The following DDX31 variants were observed in gnomAD, a reference collection of about 807,000 sequenced individuals.
DDX31 encodes ATP-dependent DNA helicase DDX31.
In DDX31, 70 loss-of-function variants were observed where a neutral mutation model predicts 91.3. The ratio of observed to expected loss-of-function variants is 0.77; its 90% confidence interval spans 0.63 to 0.94. The LOEUF is 0.94. Ranked by LOEUF, DDX31 falls within the 40% of genes least tolerant of loss-of-function variation. The pLI is 0.00. For synonymous variants in DDX31, 362 were observed against 350.6 expected, an observed-to-expected ratio of 1.03 and a Z score of -0.36; for missense variants, 902 against 925.0, an observed-to-expected ratio of 0.98 and a Z score of 0.32.
intron 14 of DDX31, among the ~76,000 whole-genome samples, chr9:132,639,611 G>A (rs1275693414): frequency 6.6e-6 from 1 of 152,210 alleles, no homozygotes; most frequent in South Asian, 2.1e-4. Context: ...GTATGCTTTT[G>A]ACCTGAGAAT....
chr9:132,652,218 G>A (rs528542049), intron 7 of DDX31, among the ~76,000 whole-genome samples: 1 of 152,202 alleles, frequency 6.6e-6, no homozygotes, highest in African/African-American at 2.4e-5. Context: ...ACATTTAATA[G>A]TATCATTAGT....
At chr9:132,621,883 C>A (rs1832052418) in intron 17 of DDX31, among the ~76,000 whole-genome samples, 1 of 151,834 alleles carries the variant, frequency 6.6e-6, no homozygotes, top group South Asian at 2.1e-4. Context: ...TTAAACTTGG[C>A]TCAGCAAGCC....
At chr9:132,656,642 A>C (rs997383386) in intron 6 of DDX31, among the ~76,000 whole-genome samples, 1 of 152,172 alleles carries the variant, frequency 6.6e-6, no homozygotes, top group Admixed American at 6.5e-5. Context: ...CCCAGGATTG[A>C]GCACAGCTGC....
rs559861247 is a variant in DDX31 at position 132,644,713 on chromosome 9, C to T, written c.1380+1182G>A. On this transcript the variant is annotated intron_variant, in intron 13 of 19. Coordinates refer to ENST00000372159, the MANE Select transcript of DDX31 (RefSeq NM_022779.9). ...CGCCGCAGAATGCCTCTGGTAAAAA[C>T]GGATTCACAGGATTAGTAAACAAAG... Among the ~76,000 whole-genome samples, 3 of 152,302 alleles carry T rather than the reference C, an allele frequency of 2.0e-5. No homozygotes were observed. In the South Asian group the frequency reaches 6.2e-4, roughly 32 times the overall value.
intron 17 of DDX31, 57 bp downstream of exon 17, chr9:132,625,607 C>T (rs1832344430): frequency 7.2e-7 from 1 of 1,383,114 alleles, no homozygotes; most frequent in Admixed American, 1.7e-5. Flanking sequence ...TCTCTACTAC[C>T]CCAAATCAAG....
intron 14 of DDX31, among the ~76,000 whole-genome samples, chr9:132,635,816 T>C (rs1429748029): frequency 6.6e-6 from 1 of 151,686 alleles, no homozygotes; most frequent in African/African-American, 2.4e-5. Flanking sequence ...TGGTGGTGCA[T>C]GCCTGTAGTC....
chr9:132,613,466 G>T (rs1831462444), intron 18 of DDX31, among the ~76,000 whole-genome samples: 1 of 152,180 alleles, frequency 6.6e-6, no homozygotes, highest in South Asian at 2.1e-4. Flanking sequence ...GGCCAAGTCG[G>T]GGGGATCACC....
chr9:132,646,965 G>A lies in DDX31; in HGVS notation c.1061C>T (p.Ala354Val), dbSNP rs370929391. 17 of 1,614,072 alleles carry A rather than the reference G, an allele frequency of 1.1e-5. No individual in the cohort carries two copies. Among genetic ancestry groups the A allele is most frequent in the East Asian group, 4.5e-5 (2 of 44,892 alleles). Reference protein sequence around the residue: ...SHDQLNPKDKAVQEVCPPPAG... With the variant: ...SHDQLNPKDKVVQEVCPPPAG... ...TGGTGGAGGACAGACCTCCTGGACCGCTTTGTCCTTTGGGTTCAACTGGTC... is the reference window on the plus strand; with the variant it reads ...TGGTGGAGGACAGACCTCCTGGACCACTTTGTCCTTTGGGTTCAACTGGTC... The change falls in exon 12 of 20, where the codon GCG becomes GTG. Residue 354 changes from alanine (A) to valine (V), a missense_variant. Coordinates refer to ENST00000372159, the MANE Select transcript of DDX31 (RefSeq NM_022779.9).
chr9:132,600,590 A>G (rs750653762), intron 19 of DDX31, among the ~76,000 whole-genome samples: 4 of 152,158 alleles, frequency 2.6e-5, no homozygotes, highest in Admixed American at 6.5e-5. Flanking sequence ...GGCCATGCAC[A>G]TGATGGGAAA....
At chr9:132,651,314 G>C (rs11243862) in intron 7 of DDX31, among the ~76,000 whole-genome samples, 198 bp from the exon 8 acceptor site, 60,491 of 151,958 alleles carry the variant, frequency 0.4, 12,526 homozygotes, top group Admixed American at 0.5. Context: ...AGAGGGTAAA[G>C]ACAACACTTC....
chr9:132,611,011 T>C (rs1831303131), intron 19 of DDX31, among the ~76,000 whole-genome samples: 1 of 152,192 alleles, frequency 6.6e-6, no homozygotes, highest in East Asian at 1.9e-4. Flanking sequence ...TAACTGACAC[T>C]TCCCGGTGAA....
intron 15 of DDX31, among the ~76,000 whole-genome samples, chr9:132,631,667 AACGTAC>A (rs1281774509): frequency 1.3e-5 from 2 of 152,326 alleles, no homozygotes; most frequent in African/African-American, 4.8e-5. Context: ...CCTGCAGGTC[AACGTAC>A]ACGGACACGG....
At chr9:132,597,636 C>A (rs1277990355) in intron 19 of DDX31, among the ~76,000 whole-genome samples, 1 of 152,210 alleles carries the variant, frequency 6.6e-6, no homozygotes, top group Non-Finnish European at 1.5e-5. Flanking sequence ...CCTACAGAAG[C>A]GGTGCGGGCT....
chr9:132,648,255 G>C lies in DDX31; in HGVS notation c.901C>G (p.Leu301Val). 2 of 1,613,764 alleles carry C rather than the reference G, an allele frequency of 1.2e-6. No individual in the cohort carries two copies. Among genetic ancestry groups the C allele is most frequent in the South Asian group, 2.2e-5 (2 of 90,964 alleles). The stretch of plus-strand genomic sequence containing the variant: ...TGGCATTCAGCATTTACAGCATTAA[G>C]TATCACTGTGATGTCCTTTTCAAAA... ...LGFEKDITVILNAVNAECQKR... is the reference protein window; with the variant it reads ...LGFEKDITVIVNAVNAECQKR... The change falls in exon 11 of 20, where the codon CTT (leucine) becomes GTT (valine). Residue 301 changes from leucine to valine, a missense_variant. Leu to Val is a conservative substitution (Grantham distance 32). Coordinates refer to ENST00000372159, the MANE Select transcript of DDX31 (RefSeq NM_022779.9).
In DDX31 at chr9:132,603,097, A is replaced by G. The variant is rs1830809223; in HGVS notation, c.1995-7985T>C. On this transcript the variant is annotated intron_variant, in intron 19 of 19. Coordinates refer to ENST00000372159, the MANE Select transcript of DDX31 (RefSeq NM_022779.9). Reference sequence around the variant, plus strand: ...AGGGACTGGATGAGGCCTCAGTGAGATAATGTGCATGGAGGACTCAGCTCA... The same window carrying G: ...AGGGACTGGATGAGGCCTCAGTGAGGTAATGTGCATGGAGGACTCAGCTCA... Among the ~76,000 whole-genome samples the G allele has an allele frequency of 2.6e-5, 4 of 152,290 alleles. No individual in the cohort carries two copies. In the South Asian group the frequency reaches 8.3e-4, roughly 32 times the overall value.
chr9:132,603,832 G>A (rs1163463298), intron 19 of DDX31, among the ~76,000 whole-genome samples: 1 of 152,172 alleles, frequency 6.6e-6, no homozygotes, highest in East Asian at 1.9e-4. Context: ...CCCGCTGTCT[G>A]CAGGTGACCC....
In DDX31 at chr9:132,595,080, T is replaced by TAAA; in HGVS notation, c.2026_2027insTTT (p.His676delinsLeuTyr). The TAAA allele has an allele frequency of 6.2e-7, 1 of 1,614,182 alleles. No homozygotes were observed. Among genetic ancestry groups the TAAA allele is most frequent in the South Asian group, 1.1e-5 (1 of 91,090 alleles). On this transcript the variant is annotated protein_altering_variant, in exon 20 of 20. Transcript: ENST00000372159. The surrounding 1 kb of genome is among the most constrained non-coding windows in gnomAD (Gnocchi z 4.6). ...CGAACGTAGGATTTCAGCGAGGCTG[T>TAAA]GTTTACTCTGGGTCTTCTTATGAAG...
At chr9:132,602,117 A>G (rs1294514889) in intron 19 of DDX31, among the ~76,000 whole-genome samples, 6 of 152,272 alleles carry the variant, frequency 3.9e-5, no homozygotes, top group Non-Finnish European at 7.3e-5. Flanking sequence ...GAGGCCAAAC[A>G]ATGGAAATAA....
At chr9:132,630,085 C>T (rs1337462077) in intron 16 of DDX31, among the ~76,000 whole-genome samples, 179 bp downstream of exon 16, 1 of 152,220 alleles carries the variant, frequency 6.6e-6, no homozygotes, top group East Asian at 1.9e-4. Flanking sequence ...GCAATGAAAA[C>T]TGTCATGTGC....
Sources: allele counts gnomAD v4.1 joint callset (sites outside exome capture counted in the v4.1 genomes callset), GRCh38; gene constraint gnomAD v4.1.1; non-coding constraint Gnocchi (gnomAD v3.1); transcripts MANE v1.5; gene names NCBI Gene and HGNC (gene_info 2026-07-23, HGNC 2026-07-21).